DNAJC1: variants seen among roughly 807,000 people sequenced by gnomAD.
DNAJC1 encodes DnaJ heat shock protein family (Hsp40) member C1.
Under a neutral mutation model 76.6 loss-of-function variants are expected in DNAJC1, and 58 were observed. The ratio of observed to expected loss-of-function variants is 0.76; its 90% CI spans 0.61 to 0.94. The LOEUF is 0.94. Ranked by LOEUF, DNAJC1 falls within the 40% of genes least tolerant of loss-of-function variation. The pLI is 0.00. For synonymous variants in DNAJC1, 258 were observed against 267.9 expected (o/e 0.96, Z 0.36); for missense variants, 689 against 677.3 (o/e 1.02, Z -0.19).
chr10:21,784,566 T>TACA (rs1225465812), intron 9 of DNAJC1, among the ~76,000 whole-genome samples: 3 of 152,138 alleles, frequency 2.0e-5, no homozygotes, highest in African/African-American at 4.8e-5. Context: ...ACCCAAAGGA[T>TACA]TATAAATCAT....
chr10:21,913,680 C>A (rs1359237761), intron 6 of DNAJC1, among the ~76,000 whole-genome samples: 4 of 152,164 alleles, frequency 2.6e-5, no homozygotes, highest in East Asian at 3.8e-4. Context: ...AAGCCGAACA[C>A]AACCAACAAA....
chr10:21,815,913 T>G (rs1835067572), intron 8 of DNAJC1, among the ~76,000 whole-genome samples: 1 of 151,592 alleles, frequency 6.6e-6, no homozygotes, highest in African/African-American at 2.4e-5. Flanking sequence ...CTGGCTAATT[T>G]TTGTATTTTT....
chr10:21,955,134 AG>A (rs1485725824), intron 1 of DNAJC1, among the ~76,000 whole-genome samples: 1 of 152,234 alleles, frequency 6.6e-6, no homozygotes, highest in East Asian at 1.9e-4. Context: ...GTCCCTGGGC[AG>A]GGGGGAACAG....
intron 7 of DNAJC1, among the ~76,000 whole-genome samples, 183 bp downstream of exon 7, chr10:21,904,339 A>G (rs1836707729): frequency 6.6e-6 from 1 of 152,072 alleles, no homozygotes; most frequent in Non-Finnish European, 1.5e-5. Flanking sequence ...TGGGTGGTAA[A>G]GTAATGCTAT....
chr10:21,803,908 A>G (rs979245813), intron 9 of DNAJC1: 6 of 984,474 alleles, frequency 6.1e-6, no homozygotes, highest in Non-Finnish European at 7.2e-6. Flanking sequence ...TCACTTCACA[A>G]TGTCAGGTTT....
At chr10:21,776,182 A>G (rs1389418145) in intron 9 of DNAJC1, among the ~76,000 whole-genome samples, 1 of 152,232 alleles carries the variant, frequency 6.6e-6, no homozygotes, top group Non-Finnish European at 1.5e-5. Context: ...AAATTAAATC[A>G]GCAAAATGAA....
chr10:21,913,696 T>C (rs915830423), intron 6 of DNAJC1, among the ~76,000 whole-genome samples: 3 of 152,160 alleles, frequency 2.0e-5, no homozygotes, highest in Admixed American at 6.5e-5. Flanking sequence ...ACAAAGAAGA[T>C]TGGTTTTTGT....
At chr10:21,949,379 C>T (rs1423018190) in intron 1 of DNAJC1, among the ~76,000 whole-genome samples, 11 of 145,056 alleles carry the variant, frequency 7.6e-5, no homozygotes, top group Non-Finnish European at 3.0e-5. Flanking sequence ...TGATTGCTCC[C>T]TTGCCCTTCC....
Position 22,003,552 on chromosome 10 carries a change from A to C in DNAJC1, c.-118T>G. ...GTCAGTGAAAAGCGCGGGCAGGCGC[A>C]CCGGAGCGGCCCGCCAGGTGGCTGG... On this transcript the variant is annotated 5_prime_UTR_variant, in exon 1 of 12. Coordinates refer to ENST00000376980, the MANE Select transcript of DNAJC1 (RefSeq NM_022365.4). 1.7e-6 allele frequency: 2 copies of C among 1,204,796 alleles called. No individual in the cohort carries two copies. The allele number at this position is 1,204,796 out of a possible 1,614,324, so 74.6% of individuals were successfully genotyped here.
chr10:21,989,795 A>G (rs1838301095), intron 1 of DNAJC1, among the ~76,000 whole-genome samples: 1 of 152,148 alleles, frequency 6.6e-6, no homozygotes, highest in Non-Finnish European at 1.5e-5. Flanking sequence ...TAAGCCACCT[A>G]TATAAGACCT....
Position 21,759,376 on chromosome 10 carries a change from T to C in DNAJC1, c.1390A>G (p.Arg464Gly). ...TAKPEPEEKS[R>G]AKRQKDFDIA... Reference sequence around the variant, plus strand: ...TCAAAGTCCTTCTGCCGCTTGGCTCTGGACTTCTCCTCTGGCTCCGGCTTC... The same window carrying C: ...TCAAAGTCCTTCTGCCGCTTGGCTCCGGACTTCTCCTCTGGCTCCGGCTTC... Residue 464 changes from arginine to glycine, a missense_variant, in exon 11 of 12, where the codon AGA becomes GGA. Physicochemically the swap from Arg to Gly is moderately radical, Grantham distance 125 (BLOSUM62 -2). Coordinates refer to ENST00000376980, the MANE Select transcript of DNAJC1 (RefSeq NM_022365.4). The C allele has an allele frequency of 1.2e-6, 2 of 1,614,228 alleles. No homozygotes were observed. The highest frequency in any genetic ancestry group is 1.7e-6 in the Non-Finnish European group (2 of 1,180,024).
intron 7 of DNAJC1, among the ~76,000 whole-genome samples, chr10:21,895,030 T>TC (rs1273501633): frequency 6.6e-6 from 1 of 152,224 alleles, no homozygotes; most frequent in Admixed American, 6.5e-5. Flanking sequence ...CAGTCTCAGT[T>TC]ATTTTGTATA....
intron 9 of DNAJC1, among the ~76,000 whole-genome samples, chr10:21,792,963 A>G (rs1037281621): frequency 6.6e-6 from 1 of 152,114 alleles, no homozygotes; most frequent in Non-Finnish European, 1.5e-5. Flanking sequence ...ATGTCTATTC[A>G]TGATAAAAAT....
chr10:21,816,871 A>C (rs1465178762), intron 8 of DNAJC1, among the ~76,000 whole-genome samples: 1 of 142,948 alleles, frequency 7.0e-6, no homozygotes, highest in Non-Finnish European at 1.5e-5. Flanking sequence ...AAAAAAAAAA[A>C]ATGCCGGGCG....
rs545544791 is a variant in DNAJC1, at chr10:21,805,834, T to C, written c.1098+146A>G. 8.4e-4 allele frequency: 815 copies of C among 970,358 alleles called. 2 individuals carry two copies. The highest frequency in any genetic ancestry group is 1.2e-3 in the Non-Finnish European group (783 of 655,112). The allele number at this position is 970,358 out of a possible 1,614,324, so 60.1% of individuals were successfully genotyped here. A position where few individuals can be genotyped will look rare whatever the true frequency, so the allele number is the denominator to read the frequency against. On this transcript the variant is annotated intron_variant, in intron 9 of 11. Transcript: ENST00000376980. The stretch of plus-strand genomic sequence containing the variant: ...CTGGCTCACATCTGCTTCTCACTTA[T>C]TGCATTAATGGTTCACTTTCAGGTC...
At chr10:21,944,673 G>A (rs1197826612) in intron 1 of DNAJC1, among the ~76,000 whole-genome samples, 4 of 152,124 alleles carry the variant, frequency 2.6e-5, no homozygotes, top group Admixed American at 1.3e-4. Flanking sequence ...AATCTGCAAA[G>A]GAGAAAGAAT....
At chr10:21,824,157 A>AAATTTACCATT (rs1209849425) in intron 8 of DNAJC1, among the ~76,000 whole-genome samples, 5 of 152,318 alleles carry the variant, frequency 3.3e-5, no homozygotes, top group Admixed American at 1.3e-4. Context: ...TTTACCACTA[A>AAATTTACCATT]ACAGTTCTTC....
chr10:21,909,930 A>C (rs754878059), intron 6 of DNAJC1, among the ~76,000 whole-genome samples: 16 of 152,222 alleles, frequency 1.1e-4, no homozygotes, highest in Non-Finnish European at 1.9e-4. Flanking sequence ...ACTAAGGTCT[A>C]TCAGTCTACC....
chr10:21,946,809 C>T (rs1001257767), intron 1 of DNAJC1, among the ~76,000 whole-genome samples: 2 of 152,130 alleles, frequency 1.3e-5, no homozygotes, highest in Non-Finnish European at 2.9e-5. Context: ...TGGGATCCTG[C>T]TATGGTTTGA....
Sources: allele counts gnomAD v4.1 joint callset (sites outside exome capture counted in the v4.1 genomes callset), GRCh38; gene constraint gnomAD v4.1.1; transcripts MANE v1.5; gene names NCBI Gene and HGNC (gene_info 2026-07-23, HGNC 2026-07-21).